The following ZNF521 variants were observed in gnomAD, a reference collection of about 807,000 sequenced individuals.
The protein encoded by ZNF521 is LYST-interacting protein 3.
In ZNF521, 14 loss-of-function variants were observed where a neutral mutation model predicts 105.5. The observed-to-expected ratio is 0.13, with a 90% confidence interval of 0.09 to 0.21. ZNF521 has a LOEUF of 0.21. ZNF521 is among the 10% of genes least tolerant of loss of function. The pLI is 1.00. For synonymous variants in ZNF521, 635 were observed against 606.0 expected (o/e 1.05, Z -0.70); for missense variants, 1,233 against 1,629.7 (o/e 0.76, Z 4.19).
chr18:25,269,702 A>C (rs998604417), intron 3 of ZNF521, among the ~76,000 whole-genome samples: 2 of 152,212 alleles, frequency 1.3e-5, no homozygotes, highest in African/African-American at 4.8e-5. Flanking sequence ...TGGGTACATA[A>C]AGAAATGAAG....
At chr18:25,264,225 G>T (rs1374851448) in intron 3 of ZNF521, among the ~76,000 whole-genome samples, 1 of 152,114 alleles carries the variant, frequency 6.6e-6, no homozygotes, top group Non-Finnish European at 1.5e-5. Context: ...AGGGGATTAG[G>T]ATATTCATTC....
chr18:25,336,695 A>G (rs1913902485), intron 2 of ZNF521, among the ~76,000 whole-genome samples: 1 of 152,192 alleles, frequency 6.6e-6, no homozygotes, highest in Non-Finnish European at 1.5e-5. Flanking sequence ...AGACTTTGTG[A>G]GAATCCCTCT....
chr18:25,241,717 CTTTAG>C (rs1907346878), intron 3 of ZNF521, among the ~76,000 whole-genome samples: 11 of 152,128 alleles, frequency 7.2e-5, no homozygotes, highest in Admixed American at 5.2e-4. Flanking sequence ...ATGTGCACAT[CTTTAG>C]TATCCTATGG....
intron 3 of ZNF521, among the ~76,000 whole-genome samples, chr18:25,278,168 T>C (rs1266956858): frequency 3.3e-5 from 5 of 152,236 alleles, no homozygotes; most frequent in Admixed American, 6.5e-5. Context: ...AGAGAATCAC[T>C]ATTCATGTAC....
chr18:25,113,723 GAGAC>G (rs1227859147), intron 5 of ZNF521, among the ~76,000 whole-genome samples: 29 of 142,872 alleles, frequency 2.0e-4, no homozygotes, highest in Non-Finnish European at 3.7e-4. Context: ...GCAAATGCCT[GAGAC>G]AGACAGACAG....
chr18:25,333,814 CT>C (rs2044013629), intron 2 of ZNF521, among the ~76,000 whole-genome samples: 1 of 152,216 alleles, frequency 6.6e-6, no homozygotes, highest in African/African-American at 2.4e-5. Flanking sequence ...TCTCCTCTAT[CT>C]GCTTCATGGT....
At chr18:25,125,105 T>A (rs2034514641) in intron 5 of ZNF521, among the ~76,000 whole-genome samples, 1 of 152,152 alleles carries the variant, frequency 6.6e-6, no homozygotes, top group South Asian at 2.1e-4. Context: ...CCTGGAGGTA[T>A]AAATTCACCC....
intron 3 of ZNF521, among the ~76,000 whole-genome samples, chr18:25,293,328 T>A (rs962084543): frequency 6.7e-6 from 1 of 148,842 alleles, no homozygotes; most frequent in African/African-American, 2.5e-5. Context: ...ATTAACAGAT[T>A]TTCTTGCTTG....
chr18:25,189,704 A>C lies in ZNF521; in HGVS notation c.3658+5456T>G, dbSNP rs182359328. 2.1e-3 allele frequency among the ~76,000 whole-genome samples: 317 copies of C among 152,340 alleles called. 2 individuals are homozygous for C. Among genetic ancestry groups the C allele is most frequent in the Middle Eastern group, 3.4e-3 (1 of 294 alleles). ...TTTATCCTTTATTTAATCTATCCCC[A>C]GATCACACATTTGTTTAAATGTTTT... is the stretch of plus-strand genomic sequence containing the variant. On this transcript the variant is annotated intron_variant, in intron 5 of 7. Transcript: ENST00000361524.
chr18:25,297,092 C>A (rs1911365436), intron 3 of ZNF521, among the ~76,000 whole-genome samples: 1 of 151,252 alleles, frequency 6.6e-6, no homozygotes, highest in African/African-American at 2.4e-5. Context: ...CACACACACA[C>A]ATATATATAG....
chr18:25,223,832 T>C lies in ZNF521; in HGVS notation c.3573+513A>G, dbSNP rs78148082. ...TAAAAATCCTGTTGTGAGGAAGTAT[T>C]TTCCTCTCTACCCAGAAGACAAAGA... On this transcript the variant is annotated intron_variant, in intron 4 of 7. Coordinates refer to ENST00000361524, the MANE Select transcript of ZNF521 (RefSeq NM_015461.3). Among the ~76,000 whole-genome samples, 32 of 152,246 alleles carry C rather than the reference T, an allele frequency of 2.1e-4. No individual in the cohort carries two copies. In the East Asian group the frequency reaches 6.0e-3, roughly 29 times the overall value.
At chr18:25,171,338 C>A (rs1273573382) in intron 5 of ZNF521, among the ~76,000 whole-genome samples, 1 of 152,066 alleles carries the variant, frequency 6.6e-6, no homozygotes, top group Non-Finnish European at 1.5e-5. Context: ...ATCAATTAGT[C>A]ACATTCATTA....
intron 5 of ZNF521, among the ~76,000 whole-genome samples, chr18:25,138,360 T>TA (rs925374332): frequency 7.2e-5 from 11 of 152,282 alleles, no homozygotes; most frequent in Admixed American, 7.2e-4. Context: ...TAACCCTGAA[T>TA]AATATTCTAA....
At chr18:25,314,543 G>T (rs1389249173) in intron 3 of ZNF521, among the ~76,000 whole-genome samples, 1 of 152,156 alleles carries the variant, frequency 6.6e-6, no homozygotes, top group East Asian at 1.9e-4. Flanking sequence ...CATCAATTCA[G>T]TTCATTTTCC....
chr18:25,268,602 A>G (rs369658804), intron 3 of ZNF521, among the ~76,000 whole-genome samples: 3 of 152,264 alleles, frequency 2.0e-5, no homozygotes, highest in South Asian at 4.1e-4. Flanking sequence ...CCCATAAGCC[A>G]GAAGATAGTG....
chr18:25,091,866 T>C (rs1206312224), intron 6 of ZNF521, 84 bp downstream of exon 6: 5 of 1,521,376 alleles, frequency 3.3e-6, no homozygotes, highest in African/African-American at 1.4e-5. Context: ...TAAAAGGCCA[T>C]AGCAGTGGGA....
intron 3 of ZNF521, among the ~76,000 whole-genome samples, chr18:25,275,684 T>G (rs1315641711): frequency 1.3e-5 from 2 of 152,212 alleles, no homozygotes; most frequent in Non-Finnish European, 2.9e-5. Context: ...TTTAGTGTTC[T>G]GCACTGGGGC....
chr18:25,075,115 C>T (rs572547401), intron 7 of ZNF521, among the ~76,000 whole-genome samples: 1 of 152,298 alleles, frequency 6.6e-6, no homozygotes, highest in Non-Finnish European at 1.5e-5. Flanking sequence ...CAAGAACACA[C>T]AGCAACACTG....
At position 25,146,524 on chromosome 18, in the gene ZNF521, A is replaced by G. The variant is rs189922790; in HGVS notation, c.3658+48636T>C. Among the ~76,000 whole-genome samples the G allele has an allele frequency of 9.6e-4, 146 of 152,294 alleles. 1 individual carries two copies. The highest frequency in any genetic ancestry group is 3.3e-3 in the African/African-American group (137 of 41,576). ...CATAAAAATGAGCATCTTTTATGCC[A>G]TGACATTGGTTTCTCTGAAAAAAGG... On this transcript the variant is annotated intron_variant, in intron 5 of 7. Coordinates refer to ENST00000361524, the MANE Select transcript of ZNF521 (RefSeq NM_015461.3).
Sources: allele counts gnomAD v4.1 joint callset (sites outside exome capture counted in the v4.1 genomes callset), GRCh38; gene constraint gnomAD v4.1.1; transcripts MANE v1.5; gene names NCBI Gene and HGNC (gene_info 2026-07-23, HGNC 2026-07-21).